The following FN3K variants were observed in gnomAD, a reference collection of about 807,000 sequenced individuals.
FN3K encodes fructosamine-3-kinase.
FN3K carries 24 observed loss-of-function variants against 24.8 expected under a neutral mutation model. The ratio of observed to expected loss-of-function variants is 0.97; its 90% confidence interval spans 0.70 to 1.36. FN3K has a LOEUF of 1.36. FN3K is among the 40% of genes most tolerant of loss of function. The pLI is 0.00. For missense variants in FN3K, 449 were observed against 416.7 expected (o/e 1.08, Z -0.67); for synonymous variants, 192 against 175.2 (o/e 1.10, Z -0.76).
intron 2 of FN3K, among the ~76,000 whole-genome samples, chr17:82,739,455 ATTT>A (rs527397353): frequency 0.03 from 3,032 of 100,138 alleles, 108 homozygotes; most frequent in African/African-American, 0.11. Context: ...TCACGCAGCT[ATTT>A]TTTTTTTTTT....
intron 2 of FN3K, among the ~76,000 whole-genome samples, chr17:82,739,776 AG>A (rs1475833901): frequency 2.6e-5 from 4 of 152,060 alleles, no homozygotes; most frequent in Admixed American, 2.6e-4. Flanking sequence ...TATTTTTAGT[AG>A]CATGTTAGCC....
intron 4 of FN3K, among the ~76,000 whole-genome samples, chr17:82,746,875 A>G (rs1456652400): frequency 6.6e-6 from 1 of 151,826 alleles, no homozygotes; most frequent in Non-Finnish European, 1.5e-5. Context: ...AGCAGGCTAG[A>G]GTGCAGTGGT....
chr17:82,739,542 C>T (rs1462760823), intron 2 of FN3K, among the ~76,000 whole-genome samples: 1 of 150,612 alleles, frequency 6.6e-6, no homozygotes, highest in African/African-American at 2.4e-5. Context: ...ATTGCAAACT[C>T]TGCCTCCTGG....
At position 82,750,680 on chromosome 17, in the gene FN3K, C is replaced by T. The variant is rs2047011211; in HGVS notation, c.855C>T (p.Tyr285=). The change falls in exon 6 of 6, where the codon TAC becomes TAT. Residue 285 remains tyrosine, a synonymous_variant. Coordinates refer to ENST00000300784, the MANE Select transcript of FN3K (RefSeq NM_022158.4). ...TGCTGCTCTACCAGCTGTTTAACTA[C>T]CTGAACCACTGGAACCACTTCGGGC... ...QRLLLYQLFN[Y]LNHWNHFGRE... is the part of the protein sequence containing the mutation. 4 of 1,613,916 alleles carry T rather than the reference C, an allele frequency of 2.5e-6. No individual in the cohort carries two copies. Among genetic ancestry groups the T allele is most frequent in the Non-Finnish European group, 3.4e-6 (4 of 1,179,998 alleles).
intron 1 of FN3K, 53 bp from the exon 2 acceptor site, chr17:82,738,436 G>A (rs769149461): frequency 6.2e-7 from 1 of 1,609,870 alleles, no homozygotes; most frequent in South Asian, 1.1e-5. Flanking sequence ...GGCCCAGTGG[G>A]CAGAGGCCCT....
intron 4 of FN3K, among the ~76,000 whole-genome samples, chr17:82,743,780 G>A (rs1330185908): frequency 6.6e-6 from 1 of 152,256 alleles, no homozygotes; most frequent in African/African-American, 2.4e-5. Context: ...TGTCAGCGGG[G>A]CAGCTGGGCT....
At chr17:82,735,857 T>G in intron 1 of FN3K, 80 bp downstream of exon 1, 1 of 1,506,878 alleles carries the variant, frequency 6.6e-7, no homozygotes, top group South Asian at 1.2e-5. Context: ...GCAGGCGCAT[T>G]TCCTGGGGCT....
chr17:82,740,818 C>A lies in FN3K; in HGVS notation c.349C>A (p.Leu117Ile). 6.2e-7 allele frequency: 1 copy of A among 1,613,630 alleles called. No homozygotes were observed. The highest frequency in any genetic ancestry group is 8.5e-7 in the Non-Finnish European group (1 of 1,179,736). ...MADLHLYNQK[L>I]REKLKEEENT... ...AGATTTGCATCTTTACAACCAGAAG[C>A]TCAGGGAGAAGTTGAAGGAGGAGGA... is the stretch of plus-strand genomic sequence containing the variant. Residue 117 changes from leucine to isoleucine, a missense_variant, in exon 3 of 6, where the codon CTC (leucine) becomes ATC (isoleucine). Leu to Ile is a conservative substitution (Grantham distance 5, BLOSUM62 2). Transcript: ENST00000300784.
Position 82,748,927 on chromosome 17 carries a change from GAGA to G in FN3K, c.544_546del (p.Lys182del). 1 of 1,614,172 alleles carries G rather than the reference GAGA, an allele frequency of 6.2e-7. No individual in the cohort carries two copies. Among genetic ancestry groups the G allele is most frequent in the South Asian group, 1.1e-5 (1 of 91,080 alleles). ...GCTCCAGGCGCAGCTGGACCTCATT[GAGA>G]AGGACTATGCTGACCGAGAGGCACG... On this transcript the variant is annotated inframe_deletion, in exon 5 of 6. Coordinates refer to ENST00000300784, the MANE Select transcript of FN3K (RefSeq NM_022158.4).
intron 4 of FN3K, among the ~76,000 whole-genome samples, chr17:82,746,628 C>G (rs1372833743): frequency 6.6e-6 from 1 of 151,866 alleles, no homozygotes; most frequent in African/African-American, 2.4e-5. Context: ...TGGTGAAACC[C>G]CATCTCTACT....
chr17:82,741,124 C>G (rs1054212701), intron 3 of FN3K, 187 bp from the exon 4 acceptor site: 5 of 695,038 alleles, frequency 7.2e-6, no homozygotes, highest in African/African-American at 7.0e-5. Context: ...GCCCTGCTGT[C>G]TAGTGTGCTT....
In FN3K at chr17:82,748,170, T is replaced by TA. The variant is rs1191509238; in HGVS notation, c.469-684dup. Reference sequence around the variant, plus strand: ...TTTTTTTTTCTTTTTTTTTTTGAGATAGAGTTTCACTCTTGTTGCCCAGGC... The same window carrying TA: ...TTTTTTTTTCTTTTTTTTTTTGAGATAAGAGTTTCACTCTTGTTGCCCAGGC... On this transcript the variant is annotated intron_variant, in intron 4 of 5. Coordinates refer to ENST00000300784, the MANE Select transcript of FN3K (RefSeq NM_022158.4). 4.6e-5 allele frequency among the ~76,000 whole-genome samples: 7 copies of TA among 151,246 alleles called. No homozygotes were observed. The South Asian group carries it at 1.3e-3, about 27-fold the overall frequency.
At position 82,741,331 on chromosome 17, in the gene FN3K, G is replaced by C. The variant is rs1446016380; in HGVS notation, c.406G>C (p.Glu136Gln). ...AACAGGCCGAAGAGGTGAGGGTGCT[G>C]AGCCTCAGTATGTGGACAAGTTCGG... ...NTVGRRGEGA[E>Q]PQYVDKFGFH... Residue 136 changes from glutamate to glutamine, a missense_variant, in exon 4 of 6, where the codon GAG (glutamate) becomes CAG (glutamine). Coordinates refer to ENST00000300784, the MANE Select transcript of FN3K (RefSeq NM_022158.4). 1 of 1,613,914 alleles carries C rather than the reference G, an allele frequency of 6.2e-7. No individual in the cohort carries two copies.
intron 1 of FN3K, 33 bp from the exon 2 acceptor site, chr17:82,738,456 A>T (rs765017300): frequency 6.2e-7 from 1 of 1,611,574 alleles, no homozygotes; most frequent in Non-Finnish European, 8.5e-7. Context: ...TGGCTGAGTC[A>T]ACAAGGCTGA....
rs2046894900 is a variant in FN3K, at chr17:82,735,616, G to A, written c.-21G>A. 2.0e-6 allele frequency: 3 copies of A among 1,500,842 alleles called. No individual in the cohort carries two copies. The highest frequency in any genetic ancestry group is 2.5e-5 in the South Asian group (2 of 80,092). The allele number at this position is 1,500,842 out of a possible 1,614,324, so 93.0% of individuals were successfully genotyped here. A position where few individuals can be genotyped will look rare whatever the true frequency, so the allele number is the denominator to read the frequency against. On this transcript the variant is annotated 5_prime_UTR_variant, in exon 1 of 6. Coordinates refer to ENST00000300784, the MANE Select transcript of FN3K (RefSeq NM_022158.4). ...GCCGACAGGGGCTTCCGAGCGAGCA[G>A]AGTCCCGCGCCCCGCACTCCATGGA...
Position 82,735,646 on chromosome 17 carries a change from C to G in FN3K, c.10C>G (p.Leu4Val), listed in dbSNP as rs767251997. The change falls in exon 1 of 6, where the codon CTG (leucine) becomes GTG (valine). Residue 4 changes from leucine to valine, a missense_variant. Leu to Val is a conservative substitution (Grantham distance 32). Transcript: ENST00000300784. The stretch of plus-strand genomic sequence containing the variant: ...CCGCGCCCCGCACTCCATGGAGCAG[C>G]TGCTGCGCGCCGAGCTGCGCACCGC... MEQ[L>V]LRAELRTATL... is the part of the protein sequence containing the mutation. 14 of 1,538,266 alleles carry G rather than the reference C, an allele frequency of 9.1e-6. No homozygotes were observed. The highest frequency in any genetic ancestry group is 1.1e-5 in the Non-Finnish European group (13 of 1,149,804).
At chr17:82,744,991 C>G (rs1055967875) in intron 4 of FN3K, 2 of 152,180 alleles carry the variant, frequency 1.3e-5, no homozygotes, top group Admixed American at 1.3e-4. Context: ...TGCCCAGGGA[C>G]GGGCAGGAGA....
intron 1 of FN3K, among the ~76,000 whole-genome samples, chr17:82,736,747 G>T (rs1303669017): frequency 1.3e-5 from 2 of 152,208 alleles, no homozygotes; most frequent in African/African-American, 4.8e-5. Flanking sequence ...GAGCCATGCA[G>T]CCTGGGCGTG....
chr17:82,735,865 G>GCTGGGC, intron 1 of FN3K, 88 bp downstream of exon 1: 2 of 1,476,314 alleles, frequency 1.4e-6, no homozygotes, highest in South Asian at 1.2e-5. Context: ...ATTTCCTGGG[G>GCTGGGC]CTGGGCCTGG....
Sources: allele counts gnomAD v4.1 joint callset (sites outside exome capture counted in the v4.1 genomes callset), GRCh38; gene constraint gnomAD v4.1.1; transcripts MANE v1.5; gene names NCBI Gene and HGNC (gene_info 2026-07-23, HGNC 2026-07-21).